Variants in SRBD1 observed in about 807,000 individuals in gnomAD.
SRBD1 encodes the protein S1 RNA binding domain 1, also known as S1 RNA-binding domain-containing protein 1.
In SRBD1, 88 loss-of-function variants were observed where a neutral mutation model predicts 115.3. The ratio of observed to expected loss-of-function variants is 0.76; its 90% CI spans 0.64 to 0.91. The LOEUF (loss-of-function observed/expected upper bound fraction) is 0.91. Among genes scored for constraint, SRBD1 ranks in the 40% least tolerant of loss-of-function variants. The pLI is 0.00. For missense variants in SRBD1, 1,385 were observed against 1,177.4 expected (o/e 1.18, Z -2.58); for synonymous variants, 509 against 407.7 (o/e 1.25, Z -2.99).
At chr2:45,543,143 TTTCAAC>T (rs1186867209) in intron 14 of SRBD1, among the ~76,000 whole-genome samples, 1 of 152,234 alleles carries the variant, frequency 6.6e-6, no homozygotes, top group Non-Finnish European at 1.5e-5. Context: ...TTCATGAACA[TTTCAAC>T]TTCAACTATC....
chr2:45,432,525 C>T (rs1003308100), intron 16 of SRBD1, among the ~76,000 whole-genome samples: 3 of 152,120 alleles, frequency 2.0e-5, no homozygotes, highest in Admixed American at 6.5e-5. Flanking sequence ...TAGAAAAAAT[C>T]ATATGTATTC....
At chr2:45,411,492 G>A (rs944701625) in intron 19 of SRBD1, among the ~76,000 whole-genome samples, 1 of 152,136 alleles carries the variant, frequency 6.6e-6, no homozygotes, top group Non-Finnish European at 1.5e-5. Context: ...GTATGGTAGA[G>A]GGAGAAAACT....
chr2:45,561,262 T>C (rs1195646210), intron 10 of SRBD1, among the ~76,000 whole-genome samples: 3 of 152,282 alleles, frequency 2.0e-5, no homozygotes, highest in Non-Finnish European at 2.9e-5. Flanking sequence ...ACTTCAGCTC[T>C]ATTTCCACTT....
intron 16 of SRBD1, among the ~76,000 whole-genome samples, chr2:45,429,787 C>T (rs139846256): frequency 0.033 from 4,989 of 152,196 alleles, 277 homozygotes; most frequent in African/African-American, 0.11. Context: ...GAAGTTCTGG[C>T]CACGGCAATC....
intron 5 of SRBD1, 109 bp downstream of exon 5, chr2:45,585,499 C>T: frequency 8.1e-7 from 1 of 1,230,668 alleles, no homozygotes; most frequent in Non-Finnish European, 1.1e-6. Flanking sequence ...TACAATAATT[C>T]AAGGAAACAA....
Position 45,413,746 on chromosome 2 carries a change from GA to G in SRBD1, c.2334-454del, listed in dbSNP as rs1238674354. 3.3e-5 allele frequency among the ~76,000 whole-genome samples: 5 copies of G among 152,170 alleles called. No homozygotes were observed. In the East Asian group the frequency reaches 9.7e-4, roughly 29 times the overall value. On this transcript the variant is annotated intron_variant, in intron 18 of 20. Transcript: ENST00000263736. ...AGTTCGAGACCAGCCTGGCCAACATGATGAAACCCTGTCTGTACCAAAAATA... is the reference window on the plus strand; with the variant it reads ...AGTTCGAGACCAGCCTGGCCAACATGTGAAACCCTGTCTGTACCAAAAATA...
chr2:45,586,599 G>A (rs1243179861), intron 4 of SRBD1, among the ~76,000 whole-genome samples: 1 of 151,764 alleles, frequency 6.6e-6, no homozygotes. Context: ...AGGCTGGAGT[G>A]CAGTGGCACA....
chr2:45,460,385 G>A (rs1200778831), intron 16 of SRBD1, among the ~76,000 whole-genome samples: 2 of 152,138 alleles, frequency 1.3e-5, no homozygotes, highest in African/African-American at 2.4e-5. Context: ...ACCATATGAG[G>A]GGGGTTCTGA....
At chr2:45,577,187 CTCTT>C (rs1383199685) in intron 7 of SRBD1, among the ~76,000 whole-genome samples, 1 of 152,234 alleles carries the variant, frequency 6.6e-6, no homozygotes, top group Admixed American at 6.5e-5. Context: ...ATTTGGGACA[CTCTT>C]TCAAATTACA....
intron 19 of SRBD1, among the ~76,000 whole-genome samples, chr2:45,412,393 GA>G (rs1165038418): frequency 6.6e-6 from 1 of 151,818 alleles, no homozygotes. Flanking sequence ...ATTTTTAAAA[GA>G]AAGCAAATTA....
At chr2:45,416,727 T>C (rs1401127995) in intron 18 of SRBD1, among the ~76,000 whole-genome samples, 3 of 152,156 alleles carry the variant, frequency 2.0e-5, no homozygotes, top group Non-Finnish European at 4.4e-5. Flanking sequence ...TTGAGAGGCA[T>C]CTTTTACTTT....
intron 16 of SRBD1, among the ~76,000 whole-genome samples, chr2:45,459,110 C>T (rs1212181656): frequency 2.6e-5 from 4 of 152,104 alleles, no homozygotes; most frequent in Non-Finnish European, 5.9e-5. Flanking sequence ...GCATTCTACC[C>T]TCTTCCACTC....
intron 7 of SRBD1, among the ~76,000 whole-genome samples, chr2:45,575,680 C>G (rs537886458): frequency 5.1e-4 from 78 of 152,220 alleles, no homozygotes; most frequent in African/African-American, 1.7e-3. Flanking sequence ...TTACAGTTGA[C>G]CTTTAAACAA....
intron 16 of SRBD1, among the ~76,000 whole-genome samples, chr2:45,430,933 T>G (rs888624940): frequency 1.3e-5 from 2 of 152,006 alleles, no homozygotes; most frequent in Non-Finnish European, 2.9e-5. Flanking sequence ...ACAACGAACT[T>G]AAACAAATTT....
At chr2:45,440,922 G>A (rs1668651629) in intron 16 of SRBD1, among the ~76,000 whole-genome samples, 1 of 151,848 alleles carries the variant, frequency 6.6e-6, no homozygotes, top group African/African-American at 2.4e-5. Context: ...AGAGGTTGGA[G>A]AAAAAAAGAG....
chr2:45,591,621 T>C (rs372362830), intron 4 of SRBD1, among the ~76,000 whole-genome samples: 14 of 152,270 alleles, frequency 9.2e-5, no homozygotes, highest in South Asian at 6.2e-4. Flanking sequence ...GTGAATTCTA[T>C]AGAGTTTGAA....
intron 16 of SRBD1, among the ~76,000 whole-genome samples, chr2:45,468,203 A>T (rs1358528315): frequency 6.6e-6 from 1 of 152,082 alleles, no homozygotes; most frequent in African/African-American, 2.4e-5. Context: ...ATATTCTGCA[A>T]CTTACTTTCT....
chr2:45,414,930 C>T (rs1413547191), intron 18 of SRBD1, among the ~76,000 whole-genome samples: 2 of 130,378 alleles, frequency 1.5e-5, no homozygotes, highest in Non-Finnish European at 3.1e-5. Context: ...TATGTACACA[C>T]ACAGTGTTAT....
At chr2:45,497,660 A>G (rs1274884789) in intron 14 of SRBD1, among the ~76,000 whole-genome samples, 2 of 152,176 alleles carry the variant, frequency 1.3e-5, no homozygotes, top group Non-Finnish European at 2.9e-5. Context: ...AAATTCACCC[A>G]TGTTAAGTGA....
Sources: gnomAD v4.1 joint callset for allele counts (sites outside exome capture counted in the v4.1 genomes callset) on GRCh38, gnomAD v4.1.1 for gene constraint, MANE v1.5 for transcripts, NCBI Gene and HGNC (gene_info 2026-07-23, HGNC 2026-07-21) for gene names.